ST8SIA2: variants seen among roughly 807,000 people sequenced by gnomAD.
The protein encoded by ST8SIA2 is ST8 alpha-N-acetyl-neuraminide alpha-2,8-sialyltransferase 2.
A neutral mutation model predicts 37.6 loss-of-function variants in ST8SIA2; 22 were observed. That is an observed-to-expected ratio of 0.58 (90% CI 0.42 to 0.83). The LOEUF (loss-of-function observed/expected upper bound fraction) is 0.83. Among genes scored for constraint, ST8SIA2 ranks in the 40% least tolerant of loss-of-function variants. The pLI is 0.00. For synonymous variants in ST8SIA2, 205 were observed against 201.2 expected (o/e 1.02, Z -0.16); for missense variants, 382 against 484.7 (o/e 0.79, Z 1.99).
At position 92,466,557 on chromosome 15, in the gene ST8SIA2, C is replaced by G. The variant is rs1488826607; in HGVS notation, c.*2172C>G. On this transcript the variant is annotated 3_prime_UTR_variant, in exon 6 of 6. Transcript: ENST00000268164. ...AAGCCAGCACCCCACCATCCCTTTG[C>G]AGGGGAGTCAAAGGGCCAGAACTCC... 6.6e-6 allele frequency: 1 copy of G among 152,286 alleles called. No individual in the cohort carries two copies. Among genetic ancestry groups the G allele is most frequent in the Non-Finnish European group, 1.5e-5 (1 of 68,126 alleles). The allele number at this position is 152,286 out of a possible 1,614,324, so 9.4% of individuals were successfully genotyped here.
intron 1 of ST8SIA2, among the ~76,000 whole-genome samples, chr15:92,413,855 G>A (rs2049568082): frequency 6.6e-6 from 1 of 152,192 alleles, no homozygotes; most frequent in Admixed American, 6.5e-5. Flanking sequence ...TGGGGAGAGG[G>A]TGAGGCTCTG....
At chr15:92,458,612 T>C (rs1305008793) in intron 5 of ST8SIA2, among the ~76,000 whole-genome samples, 4 of 152,196 alleles carry the variant, frequency 2.6e-5, no homozygotes, top group African/African-American at 7.2e-5. Flanking sequence ...TCATAGTTCT[T>C]GAGGCCCTCA....
intron 1 of ST8SIA2, among the ~76,000 whole-genome samples, chr15:92,404,943 C>T (rs982920710): frequency 3.9e-5 from 6 of 151,914 alleles, no homozygotes; most frequent in Admixed American, 6.6e-5. Context: ...CCCAGGTATC[C>T]GTCAATGAGT....
chr15:92,450,295 A>G (rs1295855870), intron 5 of ST8SIA2, among the ~76,000 whole-genome samples: 1 of 152,260 alleles, frequency 6.6e-6, no homozygotes, highest in Non-Finnish European at 1.5e-5. Flanking sequence ...AAGACTTGGA[A>G]TAGACATTTC....
At chr15:92,429,342 C>A (rs147603524) in intron 1 of ST8SIA2, among the ~76,000 whole-genome samples, 1 of 152,078 alleles carries the variant, frequency 6.6e-6, no homozygotes, top group Non-Finnish European at 1.5e-5. Flanking sequence ...GGGATGAAAC[C>A]GTGTGGCCAG....
At chr15:92,402,717 C>T (rs888975037) in intron 1 of ST8SIA2, among the ~76,000 whole-genome samples, 4 of 152,256 alleles carry the variant, frequency 2.6e-5, no homozygotes, top group Middle Eastern at 3.4e-3. Context: ...CACCTTAATG[C>T]GGAATGACGG....
At chr15:92,449,599 G>A (rs2049867724) in intron 5 of ST8SIA2, among the ~76,000 whole-genome samples, 1 of 152,194 alleles carries the variant, frequency 6.6e-6, no homozygotes, top group Admixed American at 6.5e-5. Flanking sequence ...CACAGTGGCT[G>A]AACTAATTTA....
At chr15:92,396,489 C>CT (rs1173337276) in intron 1 of ST8SIA2, among the ~76,000 whole-genome samples, 3 of 145,748 alleles carry the variant, frequency 2.1e-5, no homozygotes, top group African/African-American at 5.1e-5. Context: ...TTTGTCTTTT[C>CT]TTTTTTTCTT....
rs539787829 is a variant in ST8SIA2 at position 92,394,136 on chromosome 15, C to T, written c.72C>T (p.Asp24=). 1.8e-5 allele frequency: 28 copies of T among 1,559,638 alleles called. No individual in the cohort carries two copies. The South Asian group carries it at 2.8e-4, about 16-fold the overall frequency. The part of the protein sequence containing the change: ...TLLVVFLIFA[D]ISEIEEEIGN... The stretch of plus-strand genomic sequence containing the variant: ...TCGTGGTCTTCCTCATCTTCGCAGA[C>T]ATCTCAGAGATCGAAGAAGAAATCG... Residue 24 remains aspartate, a synonymous_variant, in exon 1 of 6, where the codon GAC becomes GAT. Transcript: ENST00000268164.
chr15:92,400,847 A>C (rs2141797102), intron 1 of ST8SIA2, among the ~76,000 whole-genome samples: 1 of 152,340 alleles, frequency 6.6e-6, no homozygotes, highest in East Asian at 1.9e-4. Context: ...ACGCAGGGCC[A>C]GCTGTTTCCG....
intron 4 of ST8SIA2, among the ~76,000 whole-genome samples, chr15:92,442,917 CA>C (rs941288310): frequency 8.5e-5 from 13 of 152,166 alleles, no homozygotes; most frequent in African/African-American, 3.1e-4. Flanking sequence ...GGCCTTTGAG[CA>C]AGTTGATTCT....
intron 1 of ST8SIA2, among the ~76,000 whole-genome samples, chr15:92,416,890 G>A (rs956380616): frequency 6.6e-6 from 1 of 152,176 alleles, no homozygotes; most frequent in Non-Finnish European, 1.5e-5. Flanking sequence ...GCAGGTGCCT[G>A]TTCTACCACG....
intron 4 of ST8SIA2, among the ~76,000 whole-genome samples, chr15:92,441,874 C>G: frequency 6.6e-6 from 1 of 152,216 alleles, no homozygotes. Flanking sequence ...GGGCTGGAGC[C>G]AGGCAGTGGA....
At chr15:92,454,139 G>A (rs959542783) in intron 5 of ST8SIA2, among the ~76,000 whole-genome samples, 6 of 152,132 alleles carry the variant, frequency 3.9e-5, no homozygotes, top group African/African-American at 7.2e-5. Flanking sequence ...TGGCTTAACC[G>A]ACAGAATGTA....
intron 5 of ST8SIA2, among the ~76,000 whole-genome samples, chr15:92,460,011 C>G (rs1257372124): frequency 6.6e-6 from 1 of 152,210 alleles, no homozygotes; most frequent in Non-Finnish European, 1.5e-5. Flanking sequence ...CACCATTCCC[C>G]ACTGCCTTCA....
Position 92,464,489 on chromosome 15 carries a change from T to C in ST8SIA2, c.*104T>C. The C allele has an allele frequency of 7.5e-7, 1 of 1,326,484 alleles. No individual in the cohort carries two copies. Among genetic ancestry groups the C allele is most frequent in the Non-Finnish European group, 1.1e-6 (1 of 923,256 alleles). 82.2% of individuals were successfully genotyped at this position (1,326,484 alleles called of 1,614,324 possible). A position where few individuals can be genotyped will look rare whatever the true frequency, so the allele number is the denominator to read the frequency against. On this transcript the variant is annotated 3_prime_UTR_variant, in exon 6 of 6. Transcript: ENST00000268164. ...AACAATAGAACAAGCAGGCTAGTGG[T>C]TTTCTTTGTTAAAGTGTAAAACAGT...
intron 5 of ST8SIA2, among the ~76,000 whole-genome samples, chr15:92,458,062 G>C (rs990020972): frequency 6.6e-6 from 1 of 152,164 alleles, no homozygotes; most frequent in Admixed American, 6.5e-5. Context: ...AATGTTTGCT[G>C]AGTGCAACGG....
At chr15:92,401,127 G>T (rs900252820) in intron 1 of ST8SIA2, among the ~76,000 whole-genome samples, 5 of 151,940 alleles carry the variant, frequency 3.3e-5, no homozygotes, top group African/African-American at 4.8e-5. Context: ...CAGTTGGGAG[G>T]ATACAGTGGA....
chr15:92,463,432 G>A (rs2141854408), intron 5 of ST8SIA2, among the ~76,000 whole-genome samples: 1 of 152,306 alleles, frequency 6.6e-6, no homozygotes, highest in East Asian at 1.9e-4. Flanking sequence ...GTATCAGAGA[G>A]GGGGTCCTGC....
Sources: allele counts gnomAD v4.1 joint callset (sites outside exome capture counted in the v4.1 genomes callset), GRCh38; gene constraint gnomAD v4.1.1; transcripts MANE v1.5; gene names NCBI Gene and HGNC (gene_info 2026-07-23, HGNC 2026-07-21).